Variants in PTPRM observed in about 807,000 individuals in gnomAD.
PTPRM encodes receptor-type tyrosine-protein phosphatase mu.
PTPRM carries 47 observed loss-of-function variants against 186.7 expected under a neutral mutation model. The observed-to-expected ratio is 0.25, with a 90% confidence interval of 0.20 to 0.32. The LOEUF (loss-of-function observed/expected upper bound fraction) is 0.32, where lower values mean the gene tolerates loss of function less well. Ranked by LOEUF, PTPRM falls within the 10% of genes least tolerant of loss-of-function variation. The probability of loss-of-function intolerance (pLI) is 1.00; values close to 1 mark genes in which losing one functional copy is unlikely to be tolerated. For missense variants in PTPRM, 1,494 were observed against 1,865.0 expected (o/e 0.80, Z 3.66); for synonymous variants, 668 against 674.9 (o/e 0.99, Z 0.16).
chr18:8,227,171 T>C (rs1298716694), intron 14 of PTPRM, among the ~76,000 whole-genome samples: 1 of 152,240 alleles, frequency 6.6e-6, no homozygotes, highest in African/African-American at 2.4e-5. Flanking sequence ...CAATTACTTA[T>C]GCACCAACCT....
Position 8,406,298 on chromosome 18 carries a change from G to T in PTPRM, c.*136G>T. 1.2e-6 allele frequency: 1 copy of T among 807,424 alleles called. No individual in the cohort carries two copies. Among genetic ancestry groups the T allele is most frequent in the Non-Finnish European group, 2.0e-6 (1 of 508,820 alleles). 50.0% of individuals were successfully genotyped at this position (807,424 alleles called of 1,614,324 possible). Reference sequence around the variant, plus strand: ...TAATTGGCTCTTTTTAAGAGCCCAAGAAAGTGTTTCTAAAATTGCTTGCAC... The same window carrying T: ...TAATTGGCTCTTTTTAAGAGCCCAATAAAGTGTTTCTAAAATTGCTTGCAC... On this transcript the variant is annotated 3_prime_UTR_variant, in exon 33 of 33. Coordinates refer to ENST00000580170, the MANE Select transcript of PTPRM (RefSeq NM_001105244.2).
At chr18:8,194,193 C>T (rs1248890973) in intron 14 of PTPRM, among the ~76,000 whole-genome samples, 1 of 152,196 alleles carries the variant, frequency 6.6e-6, no homozygotes, top group Non-Finnish European at 1.5e-5. Context: ...AACTTTAATG[C>T]CATCTCCTCT....
At chr18:8,215,207 C>T (rs377346468) in intron 14 of PTPRM, among the ~76,000 whole-genome samples, 161 of 152,184 alleles carry the variant, frequency 1.1e-3, no homozygotes, top group African/African-American at 3.8e-3. Context: ...TTCTTCATTC[C>T]ACATAATACA....
At chr18:7,907,127 T>C (rs1347807354) in intron 4 of PTPRM, among the ~76,000 whole-genome samples, 1 of 152,258 alleles carries the variant, frequency 6.6e-6, no homozygotes, top group Non-Finnish European at 1.5e-5. Flanking sequence ...AAACATACAA[T>C]TTTTAAAATT....
At chr18:8,180,420 A>G (rs2093556775) in intron 14 of PTPRM, among the ~76,000 whole-genome samples, 1 of 152,214 alleles carries the variant, frequency 6.6e-6, no homozygotes, top group African/African-American at 2.4e-5. Context: ...AGTTTATTAA[A>G]AAGCTTTAGA....
chr18:8,024,380 T>C (rs185950083), intron 7 of PTPRM, among the ~76,000 whole-genome samples: 15 of 152,202 alleles, frequency 9.9e-5, no homozygotes, highest in African/African-American at 3.1e-4. Flanking sequence ...TCATTCTTAC[T>C]GCCCCATGGC....
chr18:8,222,540 T>G (rs1427511026), intron 14 of PTPRM, among the ~76,000 whole-genome samples: 1 of 152,200 alleles, frequency 6.6e-6, no homozygotes, highest in Non-Finnish European at 1.5e-5. Context: ...CGGGATCTCT[T>G]CCGATTGCCA....
chr18:7,753,994 G>A (rs2041348130), intron 1 of PTPRM, among the ~76,000 whole-genome samples: 1 of 152,038 alleles, frequency 6.6e-6, no homozygotes, highest in African/African-American at 2.4e-5. Context: ...TGGTTCATGT[G>A]TATGCTGGAA....
chr18:8,057,171 A>G lies in PTPRM; in HGVS notation c.1133-12515A>G, dbSNP rs1289074925. 1.6e-4 allele frequency among the ~76,000 whole-genome samples: 24 copies of G among 151,356 alleles called. 1 individual carries two copies. The Admixed American group carries it at 1.6e-3, about 10-fold the overall frequency. On this transcript the variant is annotated intron_variant, in intron 7 of 32. Transcript: ENST00000580170. ...TGGGAATGATAGATAATAACCTTTG[A>G]ATAGGAAGTAGGAAGGTGGCAAAAT...
intron 25 of PTPRM, 50 bp downstream of exon 25, chr18:8,376,250 G>A (rs779277486): frequency 1.3e-5 from 21 of 1,595,430 alleles, no homozygotes; most frequent in African/African-American, 2.7e-5. Context: ...GGTGATGGGT[G>A]CAGGGCCACC....
chr18:8,040,168 G>A (rs2086601912), intron 7 of PTPRM, among the ~76,000 whole-genome samples: 1 of 152,174 alleles, frequency 6.6e-6, no homozygotes. Context: ...GTTTGAGCAT[G>A]TGGAGGGTAA....
At chr18:8,316,437 G>A (rs1473034822) in intron 21 of PTPRM, among the ~76,000 whole-genome samples, 1 of 152,194 alleles carries the variant, frequency 6.6e-6, no homozygotes, top group African/African-American at 2.4e-5. Flanking sequence ...TCCAGCTCAA[G>A]GAGGTCACAT....
chr18:7,937,303 G>A (rs1031821885), intron 5 of PTPRM, among the ~76,000 whole-genome samples: 5 of 152,208 alleles, frequency 3.3e-5, no homozygotes, highest in African/African-American at 4.8e-5. Context: ...CACCCTCTTC[G>A]TGGCTCTGCA....
intron 1 of PTPRM, among the ~76,000 whole-genome samples, chr18:7,629,320 A>T (rs548775635): frequency 6.6e-6 from 1 of 152,306 alleles, no homozygotes; most frequent in East Asian, 1.9e-4. Context: ...GGTCAAGAGG[A>T]TTCAAGCATT....
At chr18:7,618,411 T>A (rs2037857767) in intron 1 of PTPRM, among the ~76,000 whole-genome samples, 1 of 152,208 alleles carries the variant, frequency 6.6e-6, no homozygotes, top group African/African-American at 2.4e-5. Context: ...TTCTCTCACT[T>A]TAACTCAGAT....
At chr18:7,941,205 A>T (rs1014169949) in intron 5 of PTPRM, among the ~76,000 whole-genome samples, 3 of 152,132 alleles carry the variant, frequency 2.0e-5, no homozygotes, top group African/African-American at 7.2e-5. Context: ...ACTGTGGGCC[A>T]GGGGATTTAT....
Position 8,295,311 on chromosome 18 carries a change from T to C in PTPRM, c.2755-1057T>C, listed in dbSNP as rs909697642. 1.1e-4 allele frequency among the ~76,000 whole-genome samples: 17 copies of C among 152,170 alleles called. 1 individual carries two copies. The South Asian group carries it at 3.5e-3, about 32-fold the overall frequency. ...TACATTCTACCTAGCGACAGACTAA[T>C]CTGAAAATATTGTAAATGGTGGAAA... On this transcript the variant is annotated intron_variant, in intron 19 of 32. Coordinates refer to ENST00000580170, the MANE Select transcript of PTPRM (RefSeq NM_001105244.2).
In PTPRM at chr18:8,088,805, G is replaced by A. The variant is rs142688706; in HGVS notation, c.1810G>A (p.Val604Met). ...ETPLNQTDNTVTVMLKPAHSR... is the reference protein window; with the variant it reads ...ETPLNQTDNTMTVMLKPAHSR... Reference sequence around the variant, plus strand: ...ACCTTTGAATCAAACTGACAATACCGTGACAGTCATGCTGAAACCTGCCCA... The same window carrying A: ...ACCTTTGAATCAAACTGACAATACCATGACAGTCATGCTGAAACCTGCCCA... The change falls in exon 11 of 33, where the codon GTG (valine) becomes ATG (methionine). Residue 604 changes from valine to methionine, a missense_variant. This residue lies in a region of PTPRM where 1,107 missense variants were observed against 1,350.2 expected (regional missense o/e 0.82). Coordinates refer to ENST00000580170, the MANE Select transcript of PTPRM (RefSeq NM_001105244.2). 3.7e-5 allele frequency: 59 copies of A among 1,613,048 alleles called. No individual in the cohort carries two copies. In the African/African-American group the frequency reaches 4.4e-4, roughly 12 times the overall value.
At chr18:7,766,897 A>G (rs1218156391) in intron 1 of PTPRM, among the ~76,000 whole-genome samples, 1 of 152,192 alleles carries the variant, frequency 6.6e-6, no homozygotes, top group Non-Finnish European at 1.5e-5. Context: ...TTTTTTTTAA[A>G]TTAAAATTAG....
Sources: gnomAD v4.1 joint callset for allele counts (sites outside exome capture counted in the v4.1 genomes callset) on GRCh38, gnomAD v4.1.1 for gene constraint, gnomAD v4.1.1 regional missense constraint, MANE v1.5 for transcripts, NCBI Gene and HGNC (gene_info 2026-07-23, HGNC 2026-07-21) for gene names.